The following SMC5 variants were observed in gnomAD, a reference collection of about 807,000 sequenced individuals.
The protein encoded by SMC5 is structural maintenance of chromosomes protein 5.
SMC5 carries 88 observed loss-of-function variants against 148.3 expected under a neutral mutation model. The ratio of observed to expected loss-of-function variants is 0.59; its 90% CI spans 0.50 to 0.71. The LOEUF is 0.71. SMC5 is among the 30% of genes least tolerant of loss of function. SMC5 has a pLI of 0.00. For synonymous variants in SMC5, 421 were observed against 432.8 expected, an observed-to-expected ratio of 0.97 and a Z score of 0.34; for missense variants, 1,142 against 1,298.9, an observed-to-expected ratio of 0.88 and a Z score of 1.86.
chr9:70,345,170 A>G (rs1587718886), intron 18 of SMC5, among the ~76,000 whole-genome samples: 1 of 107,940 alleles, frequency 9.3e-6, no homozygotes, highest in Admixed American at 1.1e-4. Flanking sequence ...TATAAGTACA[A>G]TCTACTAATT....
intron 21 of SMC5, 69 bp from the exon 22 acceptor site, chr9:70,347,850 A>AT: frequency 7.0e-7 from 1 of 1,437,652 alleles, no homozygotes; most frequent in South Asian, 1.3e-5. Flanking sequence ...TAAAATTTAC[A>AT]TAAAATTGTG....
intron 1 of SMC5, among the ~76,000 whole-genome samples, chr9:70,262,792 G>GCA (rs1195111567): frequency 6.6e-6 from 1 of 152,190 alleles, no homozygotes; most frequent in Non-Finnish European, 1.5e-5. Flanking sequence ...AATGATAAGA[G>GCA]GGTGGGTCTT....
At chr9:70,336,501 A>G (rs7049118) in intron 17 of SMC5, among the ~76,000 whole-genome samples, 21,354 of 152,190 alleles carry the variant, frequency 0.14, 2,040 homozygotes, top group African/African-American at 0.27. Context: ...ATGAATAGCA[A>G]TAGTATTCTA....
chr9:70,345,128 C>T (rs1042213946), intron 18 of SMC5, among the ~76,000 whole-genome samples: 1 of 151,586 alleles, frequency 6.6e-6, no homozygotes, highest in Non-Finnish European at 1.5e-5. Flanking sequence ...AGTAGAATGT[C>T]TTCAGAATAC....
rs2035775154 is a variant in SMC5, at chr9:70,315,469, T to TAA, written c.1697_1698insAA (p.Leu569AsnfsTer9). ...AGACAATACGGATTTTTCTCTTATT[T>TAA]GAGAGAATTATTTGATGCACCTGAT... On this transcript the variant is annotated frameshift_variant, in exon 13 of 25. Transcript: ENST00000361138. LOFTEE classifies it high-confidence loss of function. The TAA allele has an allele frequency of 6.3e-7, 1 of 1,591,850 alleles. No individual in the cohort carries two copies. Among genetic ancestry groups the TAA allele is most frequent in the Non-Finnish European group, 8.6e-7 (1 of 1,167,626 alleles).
At chr9:70,285,947 A>G (rs2034887483) in intron 7 of SMC5, among the ~76,000 whole-genome samples, 1 of 152,212 alleles carries the variant, frequency 6.6e-6, no homozygotes, top group Non-Finnish European at 1.5e-5. Context: ...TTAGGATCAG[A>G]TGAAATAAGA....
intron 11 of SMC5, among the ~76,000 whole-genome samples, chr9:70,309,451 T>C (rs1019347654): frequency 6.7e-6 from 1 of 149,734 alleles, no homozygotes; most frequent in African/African-American, 2.4e-5. Flanking sequence ...AGAACTTCTT[T>C]CAAAATTGGA....
chr9:70,347,673 G>A lies in SMC5; in HGVS notation c.2725G>A (p.Gly909Arg). ...EIEQLTEELKGKKVELDQYRE... is the reference protein window; with the variant it reads ...EIEQLTEELKRKKVELDQYRE... Reference sequence around the variant, plus strand: ...AGAACAGTTAACTGAGGAACTAAAGGGAAAGAAAGTTGAACTAGATCAATA... The same window carrying A: ...AGAACAGTTAACTGAGGAACTAAAGAGAAAGAAAGTTGAACTAGATCAATA... The change falls in exon 21 of 25, where the codon GGA (glycine) becomes AGA (arginine). Residue 909 changes from glycine (G) to arginine (R), a missense_variant. By Grantham distance (125) the Gly-to-Arg change is moderately radical (BLOSUM62 -2). This residue lies in a region of SMC5 where 743 missense variants were observed against 835.7 expected (regional missense o/e 0.89). Transcript: ENST00000361138. The A allele has an allele frequency of 1.3e-6, 2 of 1,586,806 alleles. No individual in the cohort carries two copies. Among genetic ancestry groups the A allele is most frequent in the Non-Finnish European group, 1.7e-6 (2 of 1,170,952 alleles).
intron 7 of SMC5, among the ~76,000 whole-genome samples, 179 bp from the exon 8 acceptor site, chr9:70,286,021 A>G (rs1222462655): frequency 6.6e-6 from 1 of 152,228 alleles, no homozygotes; most frequent in African/African-American, 2.4e-5. Context: ...TATTAATATC[A>G]TTAGGAATAA....
At chr9:70,346,537 G>C (rs1306755272) in intron 18 of SMC5, 68 bp from the exon 19 acceptor site, 1 of 1,486,954 alleles carries the variant, frequency 6.7e-7, no homozygotes, top group East Asian at 2.3e-5. Context: ...CATAAGTGCA[G>C]TATAAAGTTC....
At chr9:70,260,490 A>G (rs890717534) in intron 1 of SMC5, among the ~76,000 whole-genome samples, 1 of 151,796 alleles carries the variant, frequency 6.6e-6, no homozygotes, top group Non-Finnish European at 1.5e-5. Flanking sequence ...TCAAGCACCT[A>G]TTGTGTGCCA....
intron 6 of SMC5, among the ~76,000 whole-genome samples, chr9:70,282,052 A>G (rs373599400): frequency 3.5e-5 from 3 of 86,486 alleles, no homozygotes; most frequent in African/African-American, 1.4e-4. Flanking sequence ...TTTTTTTTTT[A>G]TTTTTACCCT....
chr9:70,352,113 T>A, intron 24 of SMC5, 78 bp from the exon 25 acceptor site: 1 of 1,268,898 alleles, frequency 7.9e-7, no homozygotes, highest in Non-Finnish European at 1.1e-6. Context: ...ATAATACATT[T>A]GACTGTACAC....
chr9:70,320,853 C>T (rs545617933), intron 15 of SMC5, among the ~76,000 whole-genome samples: 19 of 152,256 alleles, frequency 1.2e-4, no homozygotes, highest in African/African-American at 4.3e-4. Flanking sequence ...ATTTCAATTG[C>T]ATGGCAGTGA....
intron 17 of SMC5, among the ~76,000 whole-genome samples, chr9:70,325,252 C>T (rs1246923273): frequency 1.3e-5 from 2 of 152,192 alleles, no homozygotes; most frequent in African/African-American, 4.8e-5. Context: ...TACAGACTTT[C>T]CTATTGCTCA....
intron 5 of SMC5, 134 bp downstream of exon 5, chr9:70,278,759 G>C: frequency 1.3e-6 from 1 of 762,586 alleles, no homozygotes. Flanking sequence ...GGATTGTACT[G>C]CTAATATCAG....
chr9:70,302,949 G>A (rs760042052), intron 10 of SMC5, among the ~76,000 whole-genome samples: 63 of 152,142 alleles, frequency 4.1e-4, no homozygotes, highest in Non-Finnish European at 7.2e-4. Flanking sequence ...ACACCTTGGG[G>A]CCAGGCATGT....
chr9:70,261,544 A>G (rs1185806081), intron 1 of SMC5, among the ~76,000 whole-genome samples: 1 of 152,216 alleles, frequency 6.6e-6, no homozygotes, highest in African/African-American at 2.4e-5. Context: ...AGATCCTGTG[A>G]CTTAAAGTTT....
chr9:70,260,517 ATTCT>A (rs1039240134), intron 1 of SMC5, among the ~76,000 whole-genome samples: 12 of 152,140 alleles, frequency 7.9e-5, no homozygotes, highest in African/African-American at 2.7e-4. Flanking sequence ...TAGTGCACTC[ATTCT>A]TTCTTCATAA....
Sources: allele counts gnomAD v4.1 joint callset (sites outside exome capture counted in the v4.1 genomes callset), GRCh38; gene constraint gnomAD v4.1.1; regional missense constraint gnomAD v4.1.1; transcripts MANE v1.5; gene names NCBI Gene and HGNC (gene_info 2026-07-23, HGNC 2026-07-21).